APOOL: variants seen among roughly 807,000 people sequenced by gnomAD.
APOOL encodes apolipoprotein O like, also known as MICOS complex subunit MIC27.
Under a neutral mutation model 23.1 loss-of-function variants are expected in APOOL, and 12 were observed. The ratio of observed to expected loss-of-function variants is 0.52; its 90% confidence interval spans 0.33 to 0.84. The LOEUF (loss-of-function observed/expected upper bound fraction) is 0.84, where lower values mean the gene tolerates loss of function less well. APOOL is among the 40% of genes least tolerant of loss of function. The pLI, the probability that APOOL is intolerant of heterozygous loss-of-function variation, is 0.02. For missense variants in APOOL, 212 were observed against 199.6 expected (o/e 1.06, Z -0.37); for synonymous variants, 77 against 69.9 (o/e 1.10, Z -0.51).
intron 6 of APOOL, among the ~76,000 whole-genome samples, chrX:85,071,935 A>C (rs946442996): frequency 1.3e-4 from 14 of 111,630 alleles, no homozygotes; most frequent in Non-Finnish European, 1.7e-4. Flanking sequence ...TCTACTAAAA[A>C]TACAAAAAAT....
chrX:85,017,239 GA>G (rs1385402549), intron 1 of APOOL, among the ~76,000 whole-genome samples: 1 of 111,368 alleles, frequency 9.0e-6, no homozygotes, highest in Admixed American at 9.5e-5. Flanking sequence ...TTCCAGAGGG[GA>G]TTATGGCTGC....
chrX:85,038,102 T>C (rs908848322), intron 1 of APOOL, among the ~76,000 whole-genome samples: 9 of 111,982 alleles, frequency 8.0e-5, no homozygotes, highest in African/African-American at 2.9e-4. Context: ...TGAATTTTAC[T>C]GAAATCCTTT....
At chrX:85,061,678 T>C (rs1923229509) in intron 5 of APOOL, among the ~76,000 whole-genome samples, 1 of 111,975 alleles carries the variant, frequency 8.9e-6, no homozygotes, top group African/African-American at 3.2e-5. Context: ...TAGAGGTGTT[T>C]ATAGTATTCT....
chrX:85,040,344 C>A (rs1192276952), intron 1 of APOOL, among the ~76,000 whole-genome samples: 1 of 111,608 alleles, frequency 9.0e-6, no homozygotes, highest in Non-Finnish European at 1.9e-5. Context: ...TTCACATTGA[C>A]CCTGAAGAAT....
intron 1 of APOOL, among the ~76,000 whole-genome samples, chrX:85,038,524 G>GTTTTTTTTTTTTTTTTTTT (rs56248244): frequency 2.8e-4 from 12 of 43,432 alleles, no homozygotes; most frequent in African/African-American, 1.3e-3. Flanking sequence ...TCTGGTACAA[G>GTTTTTTTTTTTTTTTTTTT]TTTTTTTTTT....
chrX:85,039,154 T>C (rs907409949), intron 1 of APOOL, among the ~76,000 whole-genome samples: 8 of 111,532 alleles, frequency 7.2e-5, no homozygotes, highest in African/African-American at 2.3e-4. Flanking sequence ...CCTAATTTCA[T>C]TGTGTACCCA....
intron 8 of APOOL, among the ~76,000 whole-genome samples, chrX:85,080,600 A>G (rs956305325): frequency 6.3e-5 from 7 of 111,793 alleles, no homozygotes; most frequent in Non-Finnish European, 1.3e-4. Flanking sequence ...GTAGATGTCT[A>G]TTAGATCTGC....
At position 85,029,558 on chromosome X, in the gene APOOL, A is replaced by G. The variant is rs759069000; in HGVS notation, c.16-16888A>G. Among the ~76,000 whole-genome samples, 88 of 111,585 alleles carry G rather than the reference A, an allele frequency of 7.9e-4. 1 individual carries two copies. Among genetic ancestry groups the G allele is most frequent in the African/African-American group, 2.7e-3 (84 of 30,720 alleles). On this transcript the variant is annotated intron_variant, in intron 1 of 8. Coordinates refer to ENST00000373173, the MANE Select transcript of APOOL (RefSeq NM_198450.6). ...GTTTAATTCTCACTTTCTTCATGCC[A>G]GTGGACTAATAACCTGTTTCTCGTC...
At chrX:85,060,904 C>T in intron 5 of APOOL, among the ~76,000 whole-genome samples, 1 of 111,309 alleles carries the variant, frequency 9.0e-6, no homozygotes. Flanking sequence ...CTGGCCGGAA[C>T]TTCCAACACT....
At chrX:85,072,722 A>T (rs375315895) in intron 6 of APOOL, among the ~76,000 whole-genome samples, 57 of 111,807 alleles carry the variant, frequency 5.1e-4, no homozygotes, top group African/African-American at 1.8e-3. Flanking sequence ...GATCTACGGT[A>T]TATAAAGTAA....
chrX:85,037,555 C>T (rs1792972816), intron 1 of APOOL, among the ~76,000 whole-genome samples: 1 of 111,244 alleles, frequency 9.0e-6, no homozygotes, highest in Non-Finnish European at 1.9e-5. Context: ...AGTGTGAAAA[C>T]AGACTAGTAC....
At chrX:85,079,199 C>T (rs983252002) in intron 8 of APOOL, among the ~76,000 whole-genome samples, 2 of 111,701 alleles carry the variant, frequency 1.8e-5, no homozygotes, top group African/African-American at 3.3e-5. Flanking sequence ...CCAGTTTTTG[C>T]CCATTCAGTA....
chrX:85,060,503 A>C (rs1240076038), intron 5 of APOOL, among the ~76,000 whole-genome samples: 1 of 109,362 alleles, frequency 9.1e-6, no homozygotes, highest in African/African-American at 3.4e-5. Flanking sequence ...GACTCTTCCT[A>C]CCCATGAGCA....
At chrX:85,053,893 G>A (rs188113076) in intron 3 of APOOL, among the ~76,000 whole-genome samples, 18 of 111,266 alleles carry the variant, frequency 1.6e-4, no homozygotes, top group African/African-American at 5.2e-4. Context: ...CTAAGAAAAG[G>A]GAGGAAGATG....
chrX:85,067,680 A>G (rs1405041147), intron 6 of APOOL, among the ~76,000 whole-genome samples: 2 of 108,909 alleles, frequency 1.8e-5, no homozygotes, highest in Non-Finnish European at 3.8e-5. Flanking sequence ...ACAGGAACTC[A>G]ATATGGAAAC....
At chrX:85,024,062 C>A (rs945422339) in intron 1 of APOOL, among the ~76,000 whole-genome samples, 2 of 111,679 alleles carry the variant, frequency 1.8e-5, no homozygotes, top group African/African-American at 6.5e-5. Flanking sequence ...TGCCTAGATA[C>A]TTTTTTTCTG....
At chrX:85,080,727 AAGTCTCTTTGT>A (rs1459714370) in intron 8 of APOOL, among the ~76,000 whole-genome samples, 2 of 110,934 alleles carry the variant, frequency 1.8e-5, no homozygotes, top group Non-Finnish European at 3.8e-5. Flanking sequence ...TGGGAGTCTA[AAGTCTCTTTGT>A]AGGTCATTAA....
At chrX:85,073,569 T>C (rs901864340) in intron 6 of APOOL, among the ~76,000 whole-genome samples, 16 of 111,299 alleles carry the variant, frequency 1.4e-4, no homozygotes, top group African/African-American at 3.9e-4. Flanking sequence ...GCATTAACTT[T>C]GTAGCATGTT....
chrX:85,074,157 G>A (rs1371972614), intron 7 of APOOL, 46 bp downstream of exon 7: 5 of 1,137,457 alleles, frequency 4.4e-6, no homozygotes, highest in Non-Finnish European at 5.9e-6. Flanking sequence ...GTTTTGTTTG[G>A]GTGGGTGTTG....
Sources: allele counts gnomAD v4.1 joint callset (sites outside exome capture counted in the v4.1 genomes callset), GRCh38; gene constraint gnomAD v4.1.1; transcripts MANE v1.5; gene names NCBI Gene and HGNC (gene_info 2026-07-23, HGNC 2026-07-21).